Variants in SLC24A2 observed in about 807,000 individuals in gnomAD.
SLC24A2 encodes the protein solute carrier family 24 member 2.
A neutral mutation model predicts 62.0 loss-of-function variants in SLC24A2; 36 were observed. The observed-to-expected ratio is 0.58, with a 90% CI of 0.44 to 0.77. SLC24A2 has a LOEUF of 0.77. Ranked by LOEUF, SLC24A2 falls within the 30% of genes least tolerant of loss-of-function variation. The pLI is 0.00. For synonymous variants in SLC24A2, 358 were observed against 294.0 expected, an observed-to-expected ratio of 1.22 and a Z score of -2.23; for missense variants, 846 against 817.9, an observed-to-expected ratio of 1.03 and a Z score of -0.42.
the SLC24A2 span, among the ~76,000 whole-genome samples, chr9:20,093,588 A>G: frequency 1.3e-5 from 2 of 152,106 alleles, no homozygotes; most frequent in South Asian, 4.2e-4. Flanking sequence ...GCTCCATTAT[A>G]TTGTCACATT....
intron 2 of SLC24A2, among the ~76,000 whole-genome samples, chr9:19,776,398 A>G (rs1043496283): frequency 5.3e-5 from 8 of 152,222 alleles, no homozygotes; most frequent in Non-Finnish European, 8.8e-5. Flanking sequence ...GATAATATTT[A>G]TTTCAGAGTG....
At chr9:19,521,441 T>C (rs1449769387) in intron 9 of SLC24A2, among the ~76,000 whole-genome samples, 3 of 152,172 alleles carry the variant, frequency 2.0e-5, no homozygotes, top group Non-Finnish European at 4.4e-5. Flanking sequence ...CTGTGGAAGA[T>C]TTGCCCTTCA....
the SLC24A2 span, among the ~76,000 whole-genome samples, chr9:19,889,153 C>T: frequency 4.6e-5 from 7 of 152,204 alleles, no homozygotes; most frequent in East Asian, 3.9e-4. Flanking sequence ...CACCCAATCT[C>T]TGCACAAAGT....
At chr9:20,073,433 T>C in the SLC24A2 span, among the ~76,000 whole-genome samples, 166 of 152,228 alleles carry the variant, frequency 1.1e-3, no homozygotes, top group Non-Finnish European at 2.0e-3. Flanking sequence ...TCTTTTCACC[T>C]TTGCCATATA....
intron 7 of SLC24A2, among the ~76,000 whole-genome samples, chr9:19,563,560 C>A (rs1250557116): frequency 6.6e-6 from 1 of 152,134 alleles, no homozygotes; most frequent in African/African-American, 2.4e-5. Flanking sequence ...CCTATCAGAG[C>A]TAACATTTTT....
chr9:19,785,827 C>T (rs1026192208), intron 2 of SLC24A2, 110 bp downstream of exon 2: 8 of 1,401,730 alleles, frequency 5.7e-6, no homozygotes, highest in South Asian at 4.8e-5. Flanking sequence ...AATCTGCTAT[C>T]CACAAGAGCC....
rs1832925381 is a variant in SLC24A2, at chr9:19,516,328, A to C, written c.1811T>G (p.Phe604Cys). The C allele has an allele frequency of 3.7e-6, 6 of 1,614,210 alleles. No individual in the cohort carries two copies. Among genetic ancestry groups the C allele is most frequent in the Non-Finnish European group, 5.1e-6 (6 of 1,180,026 alleles). ...QPVAVSSNGLFCAIVLLFIML... is the reference protein window; with the variant it reads ...QPVAVSSNGLCCAIVLLFIML... ...GATGAAGAGAAGGACGATGGCACAG[A>C]AAAGGCCATTGCTGCTGACAGCCAC... is the stretch of plus-strand genomic sequence containing the variant. Residue 604 changes from phenylalanine to cysteine, a missense_variant, in exon 11 of 11, where the codon TTC becomes TGC. Phe to Cys is a radical substitution (Grantham distance 205). Transcript: ENST00000341998.
At chr9:20,170,151 A>T in the SLC24A2 span, among the ~76,000 whole-genome samples, 1 of 151,662 alleles carries the variant, frequency 6.6e-6, no homozygotes. Context: ...AAAAAAAAAG[A>T]ATAAGAAGAC....
chr9:20,118,006 T>C, the SLC24A2 span, among the ~76,000 whole-genome samples: 2 of 152,096 alleles, frequency 1.3e-5, no homozygotes, highest in Admixed American at 1.3e-4. Context: ...CTTACCACCT[T>C]CAGCTTAACT....
At chr9:19,915,077 A>G in the SLC24A2 span, among the ~76,000 whole-genome samples, 1 of 152,134 alleles carries the variant, frequency 6.6e-6, no homozygotes, top group African/African-American at 2.4e-5. Flanking sequence ...CACTCCCAAA[A>G]GAAACCCTAT....
chr9:20,149,920 A>AT, the SLC24A2 span, among the ~76,000 whole-genome samples: 1 of 152,028 alleles, frequency 6.6e-6, no homozygotes, highest in Non-Finnish European at 1.5e-5. Flanking sequence ...GGTGATAGTC[A>AT]TTAGTGCTGT....
the SLC24A2 span, among the ~76,000 whole-genome samples, chr9:20,235,242 T>C: frequency 6.6e-6 from 1 of 152,208 alleles, no homozygotes; most frequent in Non-Finnish European, 1.5e-5. Flanking sequence ...AACCATGCTC[T>C]CTTCAAAGCT....
At chr9:20,154,107 T>G in the SLC24A2 span, among the ~76,000 whole-genome samples, 2 of 151,904 alleles carry the variant, frequency 1.3e-5, no homozygotes, top group African/African-American at 4.8e-5. Context: ...ACTCCAGTTG[T>G]TTGATTTAGT....
At chr9:20,219,088 G>A in the SLC24A2 span, among the ~76,000 whole-genome samples, 1 of 152,206 alleles carries the variant, frequency 6.6e-6, no homozygotes, top group Admixed American at 6.5e-5. Flanking sequence ...AGGAAAGGAA[G>A]TAAATGTACA....
intron 2 of SLC24A2, among the ~76,000 whole-genome samples, chr9:19,634,670 G>A (rs1005188404): frequency 1.2e-4 from 18 of 152,136 alleles, no homozygotes; most frequent in South Asian, 2.1e-4. Flanking sequence ...AAAACACACT[G>A]ATTTCACCCT....
At chr9:20,152,814 G>T in the SLC24A2 span, among the ~76,000 whole-genome samples, 1 of 151,812 alleles carries the variant, frequency 6.6e-6, no homozygotes, top group Non-Finnish European at 1.5e-5. Flanking sequence ...GCTGGATTGG[G>T]TGTAAAATGG....
the SLC24A2 span, among the ~76,000 whole-genome samples, chr9:20,239,856 T>G: frequency 6.7e-6 from 1 of 149,586 alleles, no homozygotes; most frequent in Non-Finnish European, 1.5e-5. Context: ...ATGAAAATGC[T>G]TGAGTTTCCT....
chr9:19,773,099 G>A (rs1442329145), intron 2 of SLC24A2, among the ~76,000 whole-genome samples: 2 of 152,184 alleles, frequency 1.3e-5, no homozygotes, highest in African/African-American at 4.8e-5. Context: ...TATGTGAAAT[G>A]TCCACAATAG....
At chr9:19,723,720 A>G (rs1821093435) in intron 2 of SLC24A2, among the ~76,000 whole-genome samples, 1 of 152,082 alleles carries the variant, frequency 6.6e-6, no homozygotes, top group African/African-American at 2.4e-5. Flanking sequence ...ATTTCAGGAG[A>G]ATTTCTAGTA....
Sources: gnomAD v4.1 joint callset for allele counts (sites outside exome capture counted in the v4.1 genomes callset) on GRCh38, gnomAD v4.1.1 for gene constraint, MANE v1.5 for transcripts, NCBI Gene and HGNC (gene_info 2026-07-23, HGNC 2026-07-21) for gene names.